The following LRP1B variants were observed in gnomAD, a reference collection of about 807,000 sequenced individuals.
LRP1B encodes the protein low-density lipoprotein receptor-related protein 1B.
In LRP1B, 217 loss-of-function variants were observed where a neutral mutation model predicts 556.6. The observed-to-expected ratio is 0.39, with a 90% CI of 0.35 to 0.44. The LOEUF (loss-of-function observed/expected upper bound fraction) is 0.44. LRP1B is among the 20% of genes least tolerant of loss of function. LRP1B has a pLI of 1.00. For missense variants in LRP1B, 5,053 were observed against 5,620.8 expected (o/e 0.90, Z 3.23); for synonymous variants, 2,047 against 1,865.8 (o/e 1.10, Z -2.50).
intron 7 of LRP1B, among the ~76,000 whole-genome samples, chr2:141,154,379 T>C (rs1000806781): frequency 4.4e-4 from 67 of 152,030 alleles, no homozygotes; most frequent in African/African-American, 1.5e-3. Context: ...ATTCATCCAA[T>C]AGTTTTCACA....
rs116223597 is a variant in LRP1B at position 141,986,805 on chromosome 2, G to A, written c.82+143843C>T. Among the ~76,000 whole-genome samples, 713 of 151,968 alleles carry A rather than the reference G, an allele frequency of 4.7e-3. 8 individuals carry two copies. The highest frequency in any genetic ancestry group is 0.016 in the African/African-American group (668 of 41,502). ...CCTGAATGATCACATTGGTCAAACTGGAAATCCACTATGAGTTTGTCAAAA... is the reference window on the plus strand; with the variant it reads ...CCTGAATGATCACATTGGTCAAACTAGAAATCCACTATGAGTTTGTCAAAA... On this transcript the variant is annotated intron_variant, in intron 1 of 90. Coordinates refer to ENST00000389484, the MANE Select transcript of LRP1B (RefSeq NM_018557.3).
intron 35 of LRP1B, among the ~76,000 whole-genome samples, chr2:140,734,958 C>T (rs1228333399): frequency 6.6e-6 from 1 of 152,220 alleles, no homozygotes; most frequent in African/African-American, 2.4e-5. Context: ...TCCTCATTTT[C>T]TCTCACAGGT....
chr2:141,417,983 T>C lies in LRP1B; in HGVS notation c.343+62413A>G, dbSNP rs1679979153. Among the ~76,000 whole-genome samples, 4 of 152,168 alleles carry C rather than the reference T, an allele frequency of 2.6e-5. No individual in the cohort carries two copies. In the South Asian group the frequency reaches 8.3e-4, roughly 31 times the overall value. Reference sequence around the variant, plus strand: ...TTTGTATTTTCTTGATGATGAATGATATTGTACATCTTTTCATAACTCTAT... The same window carrying C: ...TTTGTATTTTCTTGATGATGAATGACATTGTACATCTTTTCATAACTCTAT... On this transcript the variant is annotated intron_variant, in intron 3 of 90. Coordinates refer to ENST00000389484, the MANE Select transcript of LRP1B (RefSeq NM_018557.3).
intron 2 of LRP1B, among the ~76,000 whole-genome samples, chr2:141,758,184 C>A (rs553734106): frequency 2.0e-5 from 3 of 152,292 alleles, no homozygotes; most frequent in East Asian, 1.9e-4. Flanking sequence ...CTCTTCCCCC[C>A]ACTCCAAATA....
chr2:140,631,656 A>C (rs1438040934), intron 41 of LRP1B, among the ~76,000 whole-genome samples: 1 of 152,228 alleles, frequency 6.6e-6, no homozygotes, highest in Non-Finnish European at 1.5e-5. Context: ...ACATTTAAGA[A>C]TAGCGACACA....
At chr2:140,723,795 A>G (rs1014404375) in intron 35 of LRP1B, among the ~76,000 whole-genome samples, 2 of 152,226 alleles carry the variant, frequency 1.3e-5, no homozygotes, top group African/African-American at 4.8e-5. Context: ...CGGATAGCAA[A>G]AAGTATATTA....
At chr2:141,055,682 T>C (rs1190197133) in intron 9 of LRP1B, among the ~76,000 whole-genome samples, 1 of 151,946 alleles carries the variant, frequency 6.6e-6, no homozygotes, top group Non-Finnish European at 1.5e-5. Flanking sequence ...ATTCATCATA[T>C]GGGCAACCAA....
At chr2:140,950,445 G>A (rs1695680119) in intron 19 of LRP1B, 43 bp from the exon 20 acceptor site, 1 of 1,507,818 alleles carries the variant, frequency 6.6e-7, no homozygotes. Context: ...TCTGAACCAT[G>A]AAGAAATTTT....
At chr2:140,605,135 T>A (rs777966814) in intron 41 of LRP1B, among the ~76,000 whole-genome samples, 1 of 152,162 alleles carries the variant, frequency 6.6e-6, no homozygotes, top group Non-Finnish European at 1.5e-5. Context: ...CCTCCTTGAT[T>A]GTGTACTACC....
chr2:140,427,705 C>T (rs528213941), intron 66 of LRP1B, among the ~76,000 whole-genome samples: 1 of 152,148 alleles, frequency 6.6e-6, no homozygotes, highest in Non-Finnish European at 1.5e-5. Context: ...CCAAATCTTC[C>T]TTCTTTCCCC....
chr2:140,800,453 T>A (rs1306522055), intron 32 of LRP1B, among the ~76,000 whole-genome samples: 1 of 152,160 alleles, frequency 6.6e-6, no homozygotes, highest in Non-Finnish European at 1.5e-5. Flanking sequence ...AGCAGTTAAT[T>A]TAGGCTAGCT....
intron 2 of LRP1B, among the ~76,000 whole-genome samples, 153 bp downstream of exon 2, chr2:141,810,126 A>T: frequency 9.1e-6 from 1 of 109,486 alleles, no homozygotes; most frequent in Non-Finnish European, 2.0e-5. Context: ...AGAAAGAAAG[A>T]AAGAAAGAAA....
chr2:140,389,390 C>A (rs894731650), intron 66 of LRP1B, among the ~76,000 whole-genome samples: 1 of 151,866 alleles, frequency 6.6e-6, no homozygotes, highest in Admixed American at 6.6e-5. Flanking sequence ...ATTTAAGTTT[C>A]TCTTTAGACC....
intron 1 of LRP1B, among the ~76,000 whole-genome samples, chr2:141,887,764 C>T (rs1057184754): frequency 6.6e-6 from 1 of 152,210 alleles, no homozygotes; most frequent in Admixed American, 6.5e-5. Context: ...ATCACCTATT[C>T]TCACAAAGTC....
At chr2:141,264,843 T>C (rs1684828696) in intron 3 of LRP1B, among the ~76,000 whole-genome samples, 1 of 152,202 alleles carries the variant, frequency 6.6e-6, no homozygotes, top group Non-Finnish European at 1.5e-5. Context: ...GCTTTTTTCC[T>C]AGACTAACTA....
intron 66 of LRP1B, among the ~76,000 whole-genome samples, chr2:140,387,350 C>T (rs1462778400): frequency 2.6e-5 from 4 of 152,168 alleles, no homozygotes; most frequent in African/African-American, 9.7e-5. Context: ...TATTGAGGAT[C>T]CAGCCTCTTT....
intron 43 of LRP1B, among the ~76,000 whole-genome samples, chr2:140,589,397 A>T (rs912064883): frequency 6.6e-6 from 1 of 152,300 alleles, no homozygotes; most frequent in Non-Finnish European, 1.5e-5. Flanking sequence ...TTTCTTAAAA[A>T]AAAACTAAAC....
chr2:140,584,056 C>CT (rs992722363), intron 43 of LRP1B, among the ~76,000 whole-genome samples: 1 of 151,846 alleles, frequency 6.6e-6, no homozygotes, highest in African/African-American at 2.4e-5. Context: ...TAGTTTTAAT[C>CT]TTTTTTATCA....
intron 41 of LRP1B, among the ~76,000 whole-genome samples, chr2:140,638,241 G>A (rs1684138690): frequency 6.6e-6 from 1 of 152,152 alleles, no homozygotes; most frequent in Non-Finnish European, 1.5e-5. Flanking sequence ...GTATGATGTA[G>A]TTCTCAACAA....
Sources: gnomAD v4.1 joint callset for allele counts (sites outside exome capture counted in the v4.1 genomes callset) on GRCh38, gnomAD v4.1.1 for gene constraint, MANE v1.5 for transcripts, NCBI Gene and HGNC (gene_info 2026-07-23, HGNC 2026-07-21) for gene names.